Variants in SPAG17 observed in about 807,000 individuals in gnomAD.
SPAG17 encodes the protein sperm associated antigen 17.
A neutral mutation model predicts 273.6 loss-of-function variants in SPAG17; 169 were observed. The ratio of observed to expected loss-of-function variants is 0.62; its 90% CI spans 0.55 to 0.70. SPAG17 has a LOEUF of 0.70. SPAG17 is among the 30% of genes least tolerant of loss of function. SPAG17 has a pLI of 0.00. For synonymous variants in SPAG17, 825 were observed against 873.2 expected (o/e 0.94, Z 0.97); for missense variants, 2,557 against 2,627.8 (o/e 0.97, Z 0.59).
At chr1:118,056,596 T>C (rs1431727606) in intron 18 of SPAG17, among the ~76,000 whole-genome samples, 1 of 152,226 alleles carries the variant, frequency 6.6e-6, no homozygotes, top group African/African-American at 2.4e-5. Flanking sequence ...GAGTTGTTTC[T>C]GAGGACATTA....
intron 4 of SPAG17, among the ~76,000 whole-genome samples, chr1:118,103,293 G>A (rs1330397868): frequency 1.3e-5 from 2 of 152,156 alleles, no homozygotes; most frequent in African/African-American, 4.8e-5. Context: ...ATCTCCCTTA[G>A]TCGATCCCCA....
At chr1:118,062,554 G>T (rs1003748229) in intron 18 of SPAG17, among the ~76,000 whole-genome samples, 2 of 151,780 alleles carry the variant, frequency 1.3e-5, no homozygotes, top group Non-Finnish European at 2.9e-5. Context: ...AGGATAAAAG[G>T]TTCATCAGGA....
At chr1:117,964,987 C>T (rs1477091721) in intron 47 of SPAG17, 1 of 152,214 alleles carries the variant, frequency 6.6e-6, no homozygotes, top group Non-Finnish European at 1.5e-5. Flanking sequence ...CTGCTCCACT[C>T]TCTTCAGCCT....
chr1:118,018,645 C>T (rs1571253037), intron 28 of SPAG17, among the ~76,000 whole-genome samples: 1 of 146,790 alleles, frequency 6.8e-6, no homozygotes, highest in South Asian at 2.2e-4. Flanking sequence ...CTAGCCTGGC[C>T]AACATAGTGA....
intron 20 of SPAG17, among the ~76,000 whole-genome samples, chr1:118,050,334 T>C (rs1329796841): frequency 6.6e-6 from 1 of 152,204 alleles, no homozygotes; most frequent in Admixed American, 6.5e-5. Context: ...CTCTAAAGCT[T>C]TTTAATAAAC....
chr1:118,091,787 G>T, intron 9 of SPAG17, 69 bp from the exon 10 acceptor site: 1 of 1,359,982 alleles, frequency 7.4e-7, no homozygotes, highest in Non-Finnish European at 1.1e-6. Context: ...AAAATTTCAT[G>T]CATAATTTCA....
Position 117,981,447 on chromosome 1 carries a change from G to T in SPAG17, c.5873-46C>A, listed in dbSNP as rs1655792661. ...CTTATAAAGTGATATTTTGTAAAAT[G>T]ATATAATGACTACTAATGTTTGCAT... On this transcript the variant is annotated intron_variant, in intron 42 of 48. Coordinates refer to ENST00000336338, the MANE Select transcript of SPAG17 (RefSeq NM_206996.4). The T allele has an allele frequency of 3.2e-6, 5 of 1,557,532 alleles. 1 individual carries two copies. The East Asian group carries it at 9.3e-5, about 29-fold the overall frequency.
intron 17 of SPAG17, among the ~76,000 whole-genome samples, chr1:118,067,737 T>A (rs1361672402): frequency 6.6e-6 from 1 of 152,256 alleles, no homozygotes; most frequent in African/African-American, 2.4e-5. Context: ...AAATTGAGGC[T>A]GAGAGAGTAA....
intron 3 of SPAG17, among the ~76,000 whole-genome samples, chr1:118,133,647 TTGCCACA>T: frequency 1.3e-5 from 2 of 152,258 alleles, no homozygotes; most frequent in East Asian, 1.9e-4. Flanking sequence ...CCTGCTCCCA[TTGCCACA>T]GCCCTTGTTC....
chr1:118,074,892 A>G (rs184477911), intron 15 of SPAG17, among the ~76,000 whole-genome samples: 1 of 152,350 alleles, frequency 6.6e-6, no homozygotes, highest in Non-Finnish European at 1.5e-5. Context: ...TTCTAACAAT[A>G]TACCTTTATC....
chr1:118,069,189 C>T (rs137891426), intron 17 of SPAG17, among the ~76,000 whole-genome samples: 436 of 151,728 alleles, frequency 2.9e-3, no homozygotes, highest in African/African-American at 0.01. Flanking sequence ...ACTAAAAATA[C>T]AAAAAATCAG....
At chr1:118,101,633 G>T (rs997737502) in intron 5 of SPAG17, 107 bp downstream of exon 5, 1 of 1,097,300 alleles carries the variant, frequency 9.1e-7, no homozygotes. Context: ...GGGAATTGGC[G>T]TCAGGAAACT....
chr1:118,063,157 G>C (rs1652533426), intron 18 of SPAG17, among the ~76,000 whole-genome samples: 1 of 152,130 alleles, frequency 6.6e-6, no homozygotes, highest in Admixed American at 6.5e-5. Flanking sequence ...TGGCCATACT[G>C]CCCAAGGTAA....
At chr1:118,174,567 T>C (rs1236207073) in intron 1 of SPAG17, among the ~76,000 whole-genome samples, 1 of 152,216 alleles carries the variant, frequency 6.6e-6, no homozygotes, top group Non-Finnish European at 1.5e-5. Context: ...ATTACTTTTA[T>C]TGGTAATGGT....
chr1:117,953,957 G>A lies in SPAG17; in HGVS notation c.*93C>T. 2 of 1,492,406 alleles carry A rather than the reference G, an allele frequency of 1.3e-6. No homozygotes were observed. Among genetic ancestry groups the A allele is most frequent in the Non-Finnish European group, 1.8e-6 (2 of 1,087,818 alleles). 92.4% of individuals were successfully genotyped at this position (1,492,406 alleles called of 1,614,324 possible). ...CAGTTCTTCCAGTTTCAGTGTCCTG[G>A]GATGATGGAGTATGTTGTGATGACT... On this transcript the variant is annotated 3_prime_UTR_variant, in exon 49 of 49. Transcript: ENST00000336338.
intron 38 of SPAG17, among the ~76,000 whole-genome samples, chr1:117,988,896 T>C (rs1237989387): frequency 6.6e-6 from 1 of 152,210 alleles, no homozygotes; most frequent in Non-Finnish European, 1.5e-5. Flanking sequence ...GGAAATACTA[T>C]GGGAAAATAT....
chr1:118,134,388 A>G (rs1658226323), intron 3 of SPAG17, among the ~76,000 whole-genome samples: 1 of 152,228 alleles, frequency 6.6e-6, no homozygotes, highest in Non-Finnish European at 1.5e-5. Context: ...TGAGTGGTGG[A>G]ATATTTTCCT....
chr1:118,122,459 G>C (rs1050233102), intron 3 of SPAG17, among the ~76,000 whole-genome samples: 7 of 152,140 alleles, frequency 4.6e-5, no homozygotes, highest in Admixed American at 1.3e-4. Flanking sequence ...AGAGCCTCAG[G>C]CAAGTTACTT....
At chr1:118,123,874 T>C (rs1374909718) in intron 3 of SPAG17, among the ~76,000 whole-genome samples, 1 of 152,150 alleles carries the variant, frequency 6.6e-6, no homozygotes, top group African/African-American at 2.4e-5. Context: ...AACAAATACA[T>C]GGAAGGTAGA....
Sources: gnomAD v4.1 joint callset for allele counts (sites outside exome capture counted in the v4.1 genomes callset) on GRCh38, gnomAD v4.1.1 for gene constraint, MANE v1.5 for transcripts, NCBI Gene and HGNC (gene_info 2026-07-23, HGNC 2026-07-21) for gene names.